The following PLEKHG1 variants were observed in gnomAD, a reference collection of about 807,000 sequenced individuals.
PLEKHG1 encodes the protein pleckstrin homology and RhoGEF domain containing G1.
A neutral mutation model predicts 100.8 loss-of-function variants in PLEKHG1; 44 were observed. The observed-to-expected ratio is 0.44, with a 90% CI of 0.34 to 0.56. The LOEUF is 0.56. Among genes scored for constraint, PLEKHG1 ranks in the 20% least tolerant of loss-of-function variants. The pLI is 0.01. For missense variants in PLEKHG1, 1,545 were observed against 1,720.9 expected, an observed-to-expected ratio of 0.90 and a Z score of 1.81; for synonymous variants, 640 against 662.5, an observed-to-expected ratio of 0.97 and a Z score of 0.52.
At chr6:150,762,422 C>A (rs538237691) in intron 2 of PLEKHG1, among the ~76,000 whole-genome samples, 2 of 151,860 alleles carry the variant, frequency 1.3e-5, no homozygotes, top group South Asian at 4.2e-4. Flanking sequence ...TGGTTTCGAG[C>A]TGCTGACCTC....
At chr6:150,766,327 T>A (rs990718884) in intron 2 of PLEKHG1, among the ~76,000 whole-genome samples, 9 of 152,206 alleles carry the variant, frequency 5.9e-5, no homozygotes, top group African/African-American at 2.2e-4. Flanking sequence ...CATGACAGGC[T>A]CTAATAAATT....
exon 16 of PLEKHG1, chr6:150,841,048 A>T (rs1777507875): frequency 1.4e-6 from 1 of 720,664 alleles, no homozygotes; most frequent in Non-Finnish European, 2.5e-6. Flanking sequence ...AACTTTTGGA[A>T]ATGGCTGACG....
intron 3 of PLEKHG1, among the ~76,000 whole-genome samples, chr6:150,686,287 A>C (rs542683788): frequency 6.6e-6 from 1 of 152,372 alleles, no homozygotes; most frequent in South Asian, 2.1e-4. Flanking sequence ...AACTTTCGTC[A>C]TTCTCAAATG....
chr6:150,724,504 C>A (rs1293524624), intron 1 of PLEKHG1, among the ~76,000 whole-genome samples: 1 of 151,948 alleles, frequency 6.6e-6, no homozygotes, highest in Non-Finnish European at 1.5e-5. Flanking sequence ...GTAAAAACAG[C>A]TGCATTTGCA....
chr6:150,641,410 A>G (rs1778253110), intron 2 of PLEKHG1, among the ~76,000 whole-genome samples: 1 of 152,234 alleles, frequency 6.6e-6, no homozygotes, highest in Admixed American at 6.5e-5. Context: ...CCATTTTAAG[A>G]TCAGCAAAAT....
intron 2 of PLEKHG1, 134 bp downstream of exon 3, chr6:150,734,226 T>C: frequency 2.3e-6 from 2 of 884,238 alleles, no homozygotes; most frequent in East Asian, 4.9e-5. Context: ...GAGAGAGTAA[T>C]AAGAGAAACC....
At chr6:150,832,125 C>T (rs759365365) in exon 15 of PLEKHG1, 23 of 1,613,664 alleles carry the variant, frequency 1.4e-5, no homozygotes, top group African/African-American at 1.1e-4. Context: ...GAGCAGCCGC[C>T]GGCCAGTCAG....
At chr6:150,711,953 A>G (rs550704348) in intron 3 of PLEKHG1, among the ~76,000 whole-genome samples, 6 of 152,324 alleles carry the variant, frequency 3.9e-5, no homozygotes, top group Middle Eastern at 3.4e-3. Flanking sequence ...TTCTGACTGC[A>G]TATGAAGTCA....
intron 1 of PLEKHG1, among the ~76,000 whole-genome samples, chr6:150,628,575 C>CACACACACACACACACACAA: frequency 7.3e-6 from 1 of 137,444 alleles, no homozygotes; most frequent in South Asian, 2.4e-4. Flanking sequence ...CACACACACA[C>CACACACACACACACACACAA]ACCCCGTCCT....
chr6:150,809,340 C>T (rs767716773), intron 8 of PLEKHG1, 41 bp from the exon 10 acceptor site: 3 of 1,611,244 alleles, frequency 1.9e-6, no homozygotes, highest in Non-Finnish European at 2.5e-6. Context: ...GTTCTGTTCC[C>T]TCCTGAGTGT....
rs1389093864 is a variant in PLEKHG1 at position 150,683,412 on chromosome 6, G to T, written c.-99+32626G>T. On this transcript the variant is annotated intron_variant, in intron 3 of 3. Transcript: ENST00000367326. This position sits in a 1 kb window ranked among gnomAD's most constrained non-coding sequence, Gnocchi z 4.0. ...AATAAGACAGGTTCCGGAGGGAAAT[G>T]ACTTCATGGGCTCACTGTTGAGCTG... Among the ~76,000 whole-genome samples, 1 of 151,914 alleles carries T rather than the reference G, an allele frequency of 6.6e-6. No individual in the cohort carries two copies. Among genetic ancestry groups the T allele is most frequent in the African/African-American group, 2.4e-5 (1 of 41,356 alleles).
At position 150,689,855 on chromosome 6, in the gene PLEKHG1, C is replaced by CA. The variant is rs58356927; in HGVS notation, c.-99+39086dup. 9.3e-3 allele frequency among the ~76,000 whole-genome samples: 782 copies of CA among 84,414 alleles called. 5 individuals carry two copies. Among genetic ancestry groups the CA allele is most frequent in the East Asian group, 0.025 (69 of 2,710 alleles). The allele number at this position is 84,414 out of a possible 152,430, so 55.4% of individuals were successfully genotyped here. A position where few individuals can be genotyped will look rare whatever the true frequency, so the allele number is the denominator to read the frequency against. ...GGGCAACAAGAGCGAAACTCTGTCTCAAAAAAAAAAAAAAAAAGAAAAACA... is the reference window on the plus strand; with the variant it reads ...GGGCAACAAGAGCGAAACTCTGTCTCAAAAAAAAAAAAAAAAAAGAAAAACA... On this transcript the variant is annotated intron_variant, in intron 3 of 3. Coordinates refer to the PLEKHG1 transcript ENST00000367326.
intron 4 of PLEKHG1, among the ~76,000 whole-genome samples, chr6:150,792,015 A>C (rs1786010115): frequency 6.6e-6 from 1 of 152,228 alleles, no homozygotes; most frequent in Non-Finnish European, 1.5e-5. Flanking sequence ...ATCATTGAGA[A>C]ATGGAATTGG....
intron 3 of PLEKHG1, among the ~76,000 whole-genome samples, chr6:150,678,102 A>G (rs897530292): frequency 4.7e-5 from 6 of 127,286 alleles, no homozygotes; most frequent in Admixed American, 1.6e-4. Flanking sequence ...ATATATATAT[A>G]TGTTGTGGAA....
chr6:150,742,262 A>T (rs1170056959), intron 2 of PLEKHG1, among the ~76,000 whole-genome samples: 2 of 152,182 alleles, frequency 1.3e-5, no homozygotes, highest in Non-Finnish European at 2.9e-5. Flanking sequence ...AGTAGGCATG[A>T]CACATGTCAG....
chr6:150,751,610 G>A (rs1430189042), intron 2 of PLEKHG1, among the ~76,000 whole-genome samples: 13 of 152,202 alleles, frequency 8.5e-5, no homozygotes, highest in Admixed American at 8.5e-4. Context: ...CTCTCACTAA[G>A]AGCCTATTTA....
chr6:150,826,186 G>T lies in PLEKHG1; in HGVS notation c.1470+2510G>T, dbSNP rs552925669. Among the ~76,000 whole-genome samples, 17 of 152,034 alleles carry T rather than the reference G, an allele frequency of 1.1e-4. 1 individual carries two copies. Among genetic ancestry groups the T allele is most frequent in the Admixed American group, 7.2e-4 (11 of 15,242 alleles). On this transcript the variant is annotated intron_variant, in intron 14 of 15. Coordinates refer to ENST00000358517, the Ensembl canonical transcript of PLEKHG1. Reference sequence around the variant, plus strand: ...AACAAGAGCAAAAAAGGCTGGGCGCGGTGGCTCACACCTGTAATCCCGGCA... The same window carrying T: ...AACAAGAGCAAAAAAGGCTGGGCGCTGTGGCTCACACCTGTAATCCCGGCA...
At chr6:150,614,801 G>T (rs1002103371) in intron 1 of PLEKHG1, among the ~76,000 whole-genome samples, 7 of 152,192 alleles carry the variant, frequency 4.6e-5, no homozygotes, top group Non-Finnish European at 8.8e-5. Context: ...TCTGGTCAGT[G>T]CACCACCCTT....
At chr6:150,724,629 G>A (rs1343492658) in intron 1 of PLEKHG1, among the ~76,000 whole-genome samples, 6 of 136,770 alleles carry the variant, frequency 4.4e-5, no homozygotes, top group East Asian at 2.1e-4. Context: ...GTGTGATCTC[G>A]GCTCACTGCA....
Sources: allele counts gnomAD v4.1 joint callset (sites outside exome capture counted in the v4.1 genomes callset), GRCh38; gene constraint gnomAD v4.1.1; non-coding constraint Gnocchi (gnomAD v3.1); transcripts MANE v1.5; gene names NCBI Gene and HGNC (gene_info 2026-07-23, HGNC 2026-07-21).